The following NAGLU variants were observed in gnomAD, a reference collection of about 807,000 sequenced individuals.
The protein encoded by NAGLU is N-acetyl-alpha-glucosaminidase.
In NAGLU, 34 loss-of-function variants were observed where a neutral mutation model predicts 43.4. The observed-to-expected ratio is 0.78, with a 90% CI of 0.60 to 1.04. NAGLU has a LOEUF of 1.04. Ranked by LOEUF, NAGLU falls within the 50% of genes least tolerant of loss-of-function variation. The pLI, the probability that NAGLU is intolerant of heterozygous loss-of-function variation, is 0.00. For missense variants in NAGLU, 910 were observed against 993.7 expected (o/e 0.92, Z 1.13); for synonymous variants, 425 against 437.6 (o/e 0.97, Z 0.36).
intron 4 of NAGLU, among the ~76,000 whole-genome samples, chr17:42,539,375 G>T (rs1162789819): frequency 6.6e-6 from 1 of 152,250 alleles, no homozygotes; most frequent in Non-Finnish European, 1.5e-5. Context: ...TGTCCCTCCT[G>T]TTCCTCTGTG....
chr17:42,541,247 CAAAAAG>C, intron 5 of NAGLU, 41 bp downstream of exon 5: 6 of 1,607,376 alleles, frequency 3.7e-6, no homozygotes, highest in Non-Finnish European at 5.1e-6. Context: ...CCCAGACCCT[CAAAAAG>C]AAGGGAGTAG....
Position 42,536,262 on chromosome 17 carries a change from G to A in NAGLU, c.-11G>A, listed in dbSNP as rs2092905537. On this transcript the variant is annotated 5_prime_UTR_variant, in exon 1 of 6. Transcript: ENST00000225927. ...CCCCCTGGCCGTCGCGGGACCCGCAGGACTGAGACCATGGAGGCGGTGGCG... is the reference window on the plus strand; with the variant it reads ...CCCCCTGGCCGTCGCGGGACCCGCAAGACTGAGACCATGGAGGCGGTGGCG... 3 of 1,217,852 alleles carry A rather than the reference G, an allele frequency of 2.5e-6. No homozygotes were observed. The highest frequency in any genetic ancestry group is 4.1e-5 in the South Asian group (1 of 24,228). The allele number at this position is 1,217,852 out of a possible 1,614,324, so 75.4% of individuals were successfully genotyped here. A position where few individuals can be genotyped will look rare whatever the true frequency, so the allele number is the denominator to read the frequency against.
At chr17:42,538,558 C>T (rs1599256156) in intron 3 of NAGLU, 73 bp downstream of exon 3, 2 of 1,612,876 alleles carry the variant, frequency 1.2e-6, no homozygotes, top group Non-Finnish European at 8.5e-7. Flanking sequence ...TGGTATTAGG[C>T]CGGCCCCAGG....
intron 1 of NAGLU, 24 bp downstream of exon 1, chr17:42,536,679 G>A: frequency 1.4e-6 from 2 of 1,455,558 alleles, no homozygotes. Context: ...GCTTCCCCGC[G>A]TCCGCCCGAG....
intron 5 of NAGLU, 145 bp from the exon 6 acceptor site, chr17:42,542,883 G>A (rs978108214): frequency 1.1e-5 from 14 of 1,245,968 alleles, no homozygotes; most frequent in African/African-American, 8.8e-5. Context: ...AGAGGGACGC[G>A]TATGTGCCAC....
Position 42,536,640 on chromosome 17 carries a change from A to G in NAGLU, c.368A>G (p.Glu123Gly). 1.3e-6 allele frequency: 2 copies of G among 1,500,138 alleles called. No individual in the cohort carries two copies. Among genetic ancestry groups the G allele is most frequent in the Non-Finnish European group, 8.8e-7 (1 of 1,131,578 alleles). 92.9% of individuals were successfully genotyped at this position (1,500,138 alleles called of 1,614,324 possible). ...PLPAVPGELT[E>G]ATPNRYRYYQ... Reference sequence around the variant, plus strand: ...CCAGCCGTGCCGGGGGAGCTGACCGAGGCCACGCCCAACAGGTACCGCCCC... The same window carrying G: ...CCAGCCGTGCCGGGGGAGCTGACCGGGGCCACGCCCAACAGGTACCGCCCC... The change falls in exon 1 of 6, where the codon GAG becomes GGG. Residue 123 changes from glutamate to glycine, a missense_variant. Coordinates refer to ENST00000225927, the MANE Select transcript of NAGLU (RefSeq NM_000263.4).
Position 42,540,981 on chromosome 17 carries a change from G to A in NAGLU, c.796G>A (p.Gly266Ser), listed in dbSNP as rs1355105347. Residue 266 changes from glycine (G) to serine (S), a missense_variant, in exon 5 of 6, where the codon GGC becomes AGC. By Grantham distance (56) the Gly-to-Ser change is moderately conservative. Transcript: ENST00000225927. The stretch of plus-strand genomic sequence containing the variant: ...CCCTCAGGTCAATGTCACGAAGATG[G>A]GCAGTTGGGGCCACTTTAACTGTTC... ...VFPQVNVTKM[G>S]SWGHFNCSYS... 6.2e-7 allele frequency: 1 copy of A among 1,614,198 alleles called. No individual in the cohort carries two copies. Among genetic ancestry groups the A allele is most frequent in the Non-Finnish European group, 8.5e-7 (1 of 1,180,040 alleles).
intron 4 of NAGLU, among the ~76,000 whole-genome samples, chr17:42,540,049 G>T (rs1331582280): frequency 7.0e-6 from 1 of 143,102 alleles, no homozygotes; most frequent in Non-Finnish European, 1.5e-5. Context: ...AGGGGCCAGA[G>T]ACTGCAGTGA....
Position 42,543,018 on chromosome 17 carries a change from C to T in NAGLU, c.1022-10C>T, listed in dbSNP as rs1314987679. On this transcript the variant is annotated splice_polypyrimidine_tract_variant and intron_variant, in intron 5 of 5. Coordinates refer to ENST00000225927, the MANE Select transcript of NAGLU (RefSeq NM_000263.4). ...TCCTCTTCTCTGTTCCCCCTACCTC[C>T]TGTCCACAGTGGATACTGAGGCTGT... The T allele has an allele frequency of 6.2e-7, 1 of 1,600,756 alleles. No homozygotes were observed. Among genetic ancestry groups the T allele is most frequent in the Non-Finnish European group, 8.5e-7 (1 of 1,179,972 alleles).
At chr17:42,539,426 C>G (rs2092915950) in intron 4 of NAGLU, among the ~76,000 whole-genome samples, 1 of 152,232 alleles carries the variant, frequency 6.6e-6, no homozygotes, top group South Asian at 2.1e-4. Flanking sequence ...GAAAAGTCTT[C>G]AAGGCTCACC....
chr17:42,540,813 G>C (rs2092919602), intron 4 of NAGLU, 137 bp from the exon 5 acceptor site: 6 of 1,262,502 alleles, frequency 4.8e-6, no homozygotes, highest in African/African-American at 2.9e-5. Flanking sequence ...AAGGACTGTA[G>C]GCAGAGAGCA....
intron 2 of NAGLU, 111 bp from the exon 3 acceptor site, chr17:42,538,228 C>T (rs2143085891): frequency 2.6e-6 from 4 of 1,553,242 alleles, no homozygotes; most frequent in East Asian, 2.2e-5. Flanking sequence ...CGGATTTTGT[C>T]TCAGTAGCCC....
intron 1 of NAGLU, chr17:42,536,968 C>T (rs2092908140): frequency 2.0e-6 from 1 of 491,032 alleles, no homozygotes; most frequent in Non-Finnish European, 3.5e-6. Context: ...CTCTTTGAAC[C>T]TGCGGACTGA....
intron 1 of NAGLU, 126 bp downstream of exon 1, chr17:42,536,781 G>C: frequency 7.5e-7 from 1 of 1,338,862 alleles, no homozygotes; most frequent in Non-Finnish European, 9.5e-7. Flanking sequence ...GCCTCCAGCA[G>C]CTGTGTGGCC....
intron 3 of NAGLU, 47 bp downstream of exon 3, chr17:42,538,532 A>T: frequency 6.2e-7 from 1 of 1,613,420 alleles, no homozygotes; most frequent in Non-Finnish European, 8.5e-7. Flanking sequence ...ATAGATGGTC[A>T]TGGGCCCAGG....
chr17:42,544,089 C>G lies in NAGLU; in HGVS notation c.2083C>G (p.His695Asp). The stretch of plus-strand genomic sequence containing the variant: ...GGCCCAGGGCATCCCTTTCCAACAG[C>G]ACCAGTTTGACAAAAATGTCTTCCA... ...SVAQGIPFQQ[H>D]QFDKNVFQLE... The change falls in exon 6 of 6, where the codon CAC (histidine) becomes GAC (aspartate). Residue 695 changes from histidine to aspartate, a missense_variant. Transcript: ENST00000225927. 1 of 1,614,106 alleles carries G rather than the reference C, an allele frequency of 6.2e-7. No homozygotes were observed. Among genetic ancestry groups the G allele is most frequent in the South Asian group, 1.1e-5 (1 of 91,068 alleles).
At position 42,544,216 on chromosome 17, in the gene NAGLU, G is replaced by A. The variant is rs373898536; in HGVS notation, c.2210G>A (p.Arg737His). Reference protein sequence around the residue: ...AKKIFLKYYPRWVAGSW With the variant: ...AKKIFLKYYPHWVAGSW The stretch of plus-strand genomic sequence containing the variant: ...AAGATCTTCCTCAAATATTACCCCC[G>A]CTGGGTGGCCGGCTCTTGGTGATAG... Residue 737 changes from arginine to histidine, a missense_variant, in exon 6 of 6, where the codon CGC becomes CAC. Physicochemically the swap from Arg to His is conservative, Grantham distance 29. Transcript: ENST00000225927. 1.2e-6 allele frequency: 2 copies of A among 1,610,100 alleles called. No individual in the cohort carries two copies. The highest frequency in any genetic ancestry group is 2.7e-5 in the African/African-American group (2 of 74,884).
Position 42,536,448 on chromosome 17 carries a change from A to T in NAGLU, c.176A>T (p.Lys59Met), listed in dbSNP as rs1217324478. The T allele has an allele frequency of 4.8e-6, 6 of 1,258,716 alleles. No individual in the cohort carries two copies. The highest frequency in any genetic ancestry group is 6.0e-6 in the Non-Finnish European group (6 of 993,002). 78.0% of individuals were successfully genotyped at this position (1,258,716 alleles called of 1,614,324 possible). The change falls in exon 1 of 6, where the codon AAG becomes ATG. Residue 59 changes from lysine to methionine, a missense_variant. Transcript: ENST00000225927. ...TCGGTGGAGCGCGCTCTGGCTGCCA[A>T]GCCGGGCTTGGACACCTACAGCCTG... ...SVSVERALAA[K>M]PGLDTYSLGG...
At position 42,536,590 on chromosome 17, in the gene NAGLU, T is replaced by C; in HGVS notation, c.318T>C (p.Ser106=). The C allele has an allele frequency of 1.3e-6, 2 of 1,492,922 alleles. No individual in the cohort carries two copies. The highest frequency in any genetic ancestry group is 2.5e-5 in the South Asian group (2 of 79,188). 92.5% of individuals were successfully genotyped at this position (1,492,922 alleles called of 1,614,324 possible). Residue 106 remains serine, a synonymous_variant, in exon 1 of 6, where the codon TCT becomes TCC. Coordinates refer to ENST00000225927, the MANE Select transcript of NAGLU (RefSeq NM_000263.4). ...FCGCHVAWSG[S]QLRLPRPLPA... is the part of the protein sequence containing the mutation. ...GCTGCCACGTGGCCTGGTCCGGCTC[T>C]CAGCTGCGCCTGCCGCGGCCACTGC...
Sources: allele counts gnomAD v4.1 joint callset (sites outside exome capture counted in the v4.1 genomes callset), GRCh38; gene constraint gnomAD v4.1.1; transcripts MANE v1.5; gene names NCBI Gene and HGNC (gene_info 2026-07-23, HGNC 2026-07-21).